The following DIAPH2 variants were observed in gnomAD, a reference collection of about 807,000 sequenced individuals.
The protein encoded by DIAPH2 is diaphanous related formin 2.
Under a neutral mutation model 92.7 loss-of-function variants are expected in DIAPH2, and 35 were observed. The observed-to-expected ratio is 0.38, with a 90% CI of 0.29 to 0.50. The LOEUF (loss-of-function observed/expected upper bound fraction) is 0.50, where lower values mean the gene tolerates loss of function less well. Among genes scored for constraint, DIAPH2 ranks in the 20% least tolerant of loss-of-function variants. The pLI is 0.94. For missense variants in DIAPH2, 701 were observed against 819.5 expected (o/e 0.86, Z 1.77); for synonymous variants, 301 against 280.4 (o/e 1.07, Z -0.73).
At chrX:97,068,315 C>A (rs951544582) in intron 17 of DIAPH2, among the ~76,000 whole-genome samples, 1 of 111,369 alleles carries the variant, frequency 9.0e-6, no homozygotes, top group African/African-American at 3.3e-5. Context: ...AGATACAGAG[C>A]AGATATGTAA....
intron 23 of DIAPH2, among the ~76,000 whole-genome samples, chrX:97,285,785 C>T (rs2068536933): frequency 1.8e-5 from 2 of 110,514 alleles, no homozygotes; most frequent in Admixed American, 1.9e-4. Flanking sequence ...TTAGTAGAGA[C>T]GAGGTTTTAC....
chrX:96,776,723 A>G (rs1210100661), intron 4 of DIAPH2, among the ~76,000 whole-genome samples: 1 of 110,491 alleles, frequency 9.1e-6, no homozygotes, highest in Admixed American at 9.7e-5. Context: ...AGTTTACTAA[A>G]TATTTCAATA....
At chrX:97,328,915 A>G (rs1282329327) in intron 23 of DIAPH2, among the ~76,000 whole-genome samples, 2 of 111,704 alleles carry the variant, frequency 1.8e-5, no homozygotes, top group Non-Finnish European at 3.8e-5. Flanking sequence ...ATTTATTCCA[A>G]GATGATTTCC....
At chrX:96,867,593 G>T (rs775190291) in intron 4 of DIAPH2, among the ~76,000 whole-genome samples, 1 of 111,169 alleles carries the variant, frequency 9.0e-6, no homozygotes, top group South Asian at 3.8e-4. Flanking sequence ...TACCATTTTA[G>T]AACTGAAATT....
intron 22 of DIAPH2, among the ~76,000 whole-genome samples, chrX:97,223,493 T>A (rs972244515): frequency 4.5e-5 from 5 of 111,948 alleles, no homozygotes; most frequent in Non-Finnish European, 9.4e-5. Flanking sequence ...CAAACATTTT[T>A]AATTTATCTT....
intron 25 of DIAPH2, among the ~76,000 whole-genome samples, chrX:97,404,573 C>A (rs992292082): frequency 1.8e-5 from 2 of 111,951 alleles, no homozygotes; most frequent in African/African-American, 6.5e-5. Context: ...ATATTCACAG[C>A]ATACTCCAAG....
At chrX:97,506,349 C>T (rs2070833283) in intron 26 of DIAPH2, among the ~76,000 whole-genome samples, 1 of 106,778 alleles carries the variant, frequency 9.4e-6, no homozygotes, top group African/African-American at 3.4e-5. Context: ...TGGGGTTTCA[C>T]CATATTGGTC....
intron 17 of DIAPH2, among the ~76,000 whole-genome samples, chrX:97,016,073 C>T (rs1227675459): frequency 8.9e-6 from 1 of 112,131 alleles, no homozygotes; most frequent in Non-Finnish European, 1.9e-5. Context: ...CCTCAGAATA[C>T]TGATAAAATG....
chrX:97,125,375 A>C (rs2067085562), intron 21 of DIAPH2, among the ~76,000 whole-genome samples: 1 of 101,351 alleles, frequency 9.9e-6, no homozygotes, highest in African/African-American at 3.6e-5. Context: ...TGGCAGGCTG[A>C]GGCAGAGAAT....
chrX:96,684,978 G>C lies in DIAPH2; in HGVS notation c.-81G>C. ...GAAGAGGTGCCGCCGAGTCAGCGCG[G>C]GGCAGTGTGAGCGCCCCGAGGTGCT... On this transcript the variant is annotated 5_prime_UTR_variant, in exon 1 of 27. Transcript: ENST00000324765. 2.2e-6 allele frequency: 2 copies of C among 928,620 alleles called. No individual in the cohort carries two copies. Among genetic ancestry groups the C allele is most frequent in the Non-Finnish European group, 2.7e-6 (2 of 737,048 alleles). 76.5% of individuals were successfully genotyped at this position (928,620 alleles called of 1,213,427 possible).
intron 26 of DIAPH2, among the ~76,000 whole-genome samples, chrX:97,526,993 A>T (rs902580735): frequency 9.9e-5 from 11 of 111,632 alleles, no homozygotes; most frequent in Non-Finnish European, 5.6e-5. Context: ...CAACCCTGCA[A>T]ATAACCATTG....
chrX:97,241,414 C>T (rs2068092438), intron 22 of DIAPH2, among the ~76,000 whole-genome samples: 1 of 110,811 alleles, frequency 9.0e-6, no homozygotes, highest in South Asian at 3.9e-4. Context: ...TCTCCTGCCT[C>T]AGCCTCCCGA....
intron 17 of DIAPH2, among the ~76,000 whole-genome samples, chrX:97,018,311 T>C (rs891312694): frequency 1.8e-5 from 2 of 112,424 alleles, no homozygotes; most frequent in Non-Finnish European, 3.8e-5. Context: ...CATGTTTATT[T>C]TATAACATTT....
At chrX:97,477,922 G>T (rs144514477) in intron 26 of DIAPH2, among the ~76,000 whole-genome samples, 1,437 of 111,050 alleles carry the variant, frequency 0.013, 23 homozygotes, top group African/African-American at 0.045. Flanking sequence ...CCTAGGTAAT[G>T]GGTACTTGTC....
intron 23 of DIAPH2, among the ~76,000 whole-genome samples, chrX:97,334,472 A>AAAAAAAAAAAAAAAAC (rs1556028856): frequency 1.2e-5 from 1 of 84,445 alleles, no homozygotes; most frequent in Non-Finnish European, 2.2e-5. Context: ...CAAAAAAAAA[A>AAAAAAAAAAAAAAAAC]AAAAAACAAA....
At chrX:97,395,752 A>C (rs745754560) in intron 25 of DIAPH2, among the ~76,000 whole-genome samples, 1 of 112,548 alleles carries the variant, frequency 8.9e-6, no homozygotes, top group African/African-American at 3.2e-5. Context: ...ATTCTTTTAA[A>C]TGAGAGACAA....
chrX:97,434,409 C>CT (rs1168006514), intron 26 of DIAPH2, among the ~76,000 whole-genome samples: 2,151 of 93,791 alleles, frequency 0.023, 65 homozygotes, highest in African/African-American at 0.07. Context: ...GGTTACTAAA[C>CT]TTTTTTTTTT....
At chrX:97,248,816 G>A (rs934361422) in intron 23 of DIAPH2, among the ~76,000 whole-genome samples, 6 of 111,375 alleles carry the variant, frequency 5.4e-5, no homozygotes, top group African/African-American at 1.3e-4. Context: ...TGCTGAACTC[G>A]AATTACTTAA....
intron 24 of DIAPH2, among the ~76,000 whole-genome samples, chrX:97,363,236 T>C (rs1367539632): frequency 8.9e-6 from 1 of 112,328 alleles, no homozygotes; most frequent in African/African-American, 3.2e-5. Flanking sequence ...AGGAAACACC[T>C]GAGAAGAAAT....
Sources: gnomAD v4.1 joint callset for allele counts (sites outside exome capture counted in the v4.1 genomes callset) on GRCh38, gnomAD v4.1.1 for gene constraint, MANE v1.5 for transcripts, NCBI Gene and HGNC (gene_info 2026-07-23, HGNC 2026-07-21) for gene names.